CNTNAP2: variants seen among roughly 807,000 people sequenced by gnomAD.
The protein encoded by CNTNAP2 is contactin-associated protein-like 2.
In CNTNAP2, 98 loss-of-function variants were observed where a neutral mutation model predicts 155.2. The observed-to-expected ratio is 0.63, with a 90% CI of 0.54 to 0.75. CNTNAP2 has a LOEUF of 0.75. CNTNAP2 is among the 30% of genes least tolerant of loss of function. The pLI is 0.00. For missense variants in CNTNAP2, 1,727 were observed against 1,688.1 expected (o/e 1.02, Z -0.40); for synonymous variants, 651 against 631.2 (o/e 1.03, Z -0.47).
intron 1 of CNTNAP2, among the ~76,000 whole-genome samples, chr7:146,351,732 A>G (rs1448631317): frequency 1.3e-5 from 2 of 152,176 alleles, no homozygotes; most frequent in Non-Finnish European, 2.9e-5. Flanking sequence ...CTCACATTAT[A>G]TTGCCATCGT....
chr7:146,997,381 T>C (rs1294320647), intron 3 of CNTNAP2, among the ~76,000 whole-genome samples: 2 of 152,196 alleles, frequency 1.3e-5, no homozygotes, highest in East Asian at 3.8e-4. Flanking sequence ...ATTTATTAAT[T>C]CGCATATGGT....
In CNTNAP2 at chr7:147,951,944, A is replaced by AT. The variant is rs113744439; in HGVS notation, c.2256-25917dup. 4.2e-4 allele frequency among the ~76,000 whole-genome samples: 64 copies of AT among 152,058 alleles called. 1 individual carries two copies. The highest frequency in any genetic ancestry group is 1.4e-3 in the African/African-American group (60 of 41,488). ...CGGAACTTAAAGTAAAATTAATTAAATAAAAAAAAATGAAAATGAAAATAA... is the reference window on the plus strand; with the variant it reads ...CGGAACTTAAAGTAAAATTAATTAAATTAAAAAAAAATGAAAATGAAAATAA... On this transcript the variant is annotated intron_variant, in intron 14 of 23. Coordinates refer to ENST00000361727, the MANE Select transcript of CNTNAP2 (RefSeq NM_014141.6).
intron 1 of CNTNAP2, among the ~76,000 whole-genome samples, chr7:146,685,422 T>A (rs1050777212): frequency 3.7e-4 from 57 of 152,326 alleles, no homozygotes; most frequent in African/African-American, 1.2e-3. Flanking sequence ...GAACATTATG[T>A]ATCATTAGGG....
chr7:146,774,170 A>C (rs1585084043), intron 1 of CNTNAP2, 101 bp from the exon 2 acceptor site: 4 of 824,786 alleles, frequency 4.8e-6, no homozygotes, highest in Non-Finnish European at 8.1e-6. Flanking sequence ...AAGATACATA[A>C]AAGACATATC....
intron 1 of CNTNAP2, among the ~76,000 whole-genome samples, chr7:146,511,033 A>G (rs768804022): frequency 1.3e-4 from 20 of 152,074 alleles, no homozygotes; most frequent in Non-Finnish European, 2.8e-4. Context: ...AGTAGCTGGG[A>G]CCACAGGTGC....
chr7:147,470,256 A>G (rs1295003199), intron 10 of CNTNAP2, among the ~76,000 whole-genome samples: 1 of 152,214 alleles, frequency 6.6e-6, no homozygotes, highest in African/African-American at 2.4e-5. Context: ...GCATGCTATG[A>G]TAGTGTCTTG....
intron 13 of CNTNAP2, among the ~76,000 whole-genome samples, chr7:147,868,490 C>G (rs1393270842): frequency 6.6e-6 from 1 of 152,232 alleles, no homozygotes; most frequent in East Asian, 1.9e-4. Context: ...GGGAGAACCA[C>G]TGCTCTCTTC....
At chr7:147,172,234 C>T (rs1033346205) in intron 8 of CNTNAP2, among the ~76,000 whole-genome samples, 2 of 152,078 alleles carry the variant, frequency 1.3e-5, no homozygotes, top group Non-Finnish European at 2.9e-5. Context: ...TTTTCCTTGA[C>T]ATTTATAGCA....
chr7:146,842,318 G>A (rs11974784), intron 3 of CNTNAP2, among the ~76,000 whole-genome samples: 1 of 151,868 alleles, frequency 6.6e-6, no homozygotes, highest in Non-Finnish European at 1.5e-5. Flanking sequence ...AGGTGATAAA[G>A]GTGCATTTCT....
chr7:148,225,558 T>C (rs1585200288), intron 19 of CNTNAP2, among the ~76,000 whole-genome samples: 1 of 152,192 alleles, frequency 6.6e-6, no homozygotes, highest in East Asian at 1.9e-4. Context: ...AGAAGTTTGA[T>C]TTTTACTCTG....
At chr7:147,876,498 G>T (rs1374798226) in intron 13 of CNTNAP2, among the ~76,000 whole-genome samples, 1 of 152,150 alleles carries the variant, frequency 6.6e-6, no homozygotes, top group Non-Finnish European at 1.5e-5. Context: ...TGTAGAACGA[G>T]AAAAGGACCA....
chr7:146,506,488 G>A lies in CNTNAP2; in HGVS notation c.98-267783G>A, dbSNP rs112785289. 5.0e-3 allele frequency among the ~76,000 whole-genome samples: 761 copies of A among 152,252 alleles called. 3 individuals carry two copies. Among genetic ancestry groups the A allele is most frequent in the African/African-American group, 0.017 (716 of 41,530 alleles). On this transcript the variant is annotated intron_variant, in intron 1 of 23. Transcript: ENST00000361727. ...CCATAGAGCTACATCTCGTGTAGGT[G>A]CTGACTCCAACCACCGGACCTGGCC...
At chr7:147,120,281 T>C (rs1407258404) in intron 5 of CNTNAP2, among the ~76,000 whole-genome samples, 2 of 152,174 alleles carry the variant, frequency 1.3e-5, no homozygotes, top group Non-Finnish European at 2.9e-5. Context: ...ATTCTTTGCC[T>C]GTACTAACTC....
chr7:147,682,585 A>G (rs1187255105), intron 13 of CNTNAP2, among the ~76,000 whole-genome samples: 1 of 151,928 alleles, frequency 6.6e-6, no homozygotes, highest in South Asian at 2.1e-4. Flanking sequence ...CATCTGGTGC[A>G]TAATTGTCGG....
Position 147,519,767 on chromosome 7 carries a change from A to T in CNTNAP2, c.1777+33726A>T, listed in dbSNP as rs565377041. On this transcript the variant is annotated intron_variant, in intron 11 of 23. Coordinates refer to ENST00000361727, the MANE Select transcript of CNTNAP2 (RefSeq NM_014141.6). The stretch of plus-strand genomic sequence containing the variant: ...GTCATCCCAGCTACTGGGGAGGATG[A>T]GGCAGGAGAGTTGCTGGAACCCAGG... Among the ~76,000 whole-genome samples, 4 of 152,348 alleles carry T rather than the reference A, an allele frequency of 2.6e-5. No homozygotes were observed. In the East Asian group the frequency reaches 7.7e-4, roughly 29 times the overall value.
chr7:147,652,205 T>C (rs1444318063), intron 13 of CNTNAP2, among the ~76,000 whole-genome samples: 5 of 152,190 alleles, frequency 3.3e-5, no homozygotes, highest in East Asian at 1.9e-4. Context: ...TTGCTTACAA[T>C]TTACCAACAC....
chr7:147,328,698 T>C (rs1795503583), intron 9 of CNTNAP2, among the ~76,000 whole-genome samples: 1 of 152,300 alleles, frequency 6.6e-6, no homozygotes, highest in Non-Finnish European at 1.5e-5. Flanking sequence ...TCAAGAGGCT[T>C]TCACTGACAA....
chr7:148,313,123 G>C (rs1797624251), intron 21 of CNTNAP2, among the ~76,000 whole-genome samples: 1 of 151,718 alleles, frequency 6.6e-6, no homozygotes, highest in Non-Finnish European at 1.5e-5. Flanking sequence ...AAGAGGTTTA[G>C]AAGCCTGGCC....
chr7:147,329,864 C>T (rs1030542527), intron 9 of CNTNAP2, among the ~76,000 whole-genome samples: 2 of 152,076 alleles, frequency 1.3e-5, no homozygotes, highest in Non-Finnish European at 2.9e-5. Flanking sequence ...CAAGAAAAGT[C>T]TTCAAGAGGC....
Sources: gnomAD v4.1 joint callset for allele counts (sites outside exome capture counted in the v4.1 genomes callset) on GRCh38, gnomAD v4.1.1 for gene constraint, MANE v1.5 for transcripts, NCBI Gene and HGNC (gene_info 2026-07-23, HGNC 2026-07-21) for gene names.